Variants in ATG7 observed in about 807,000 individuals in gnomAD.
The protein encoded by ATG7 is ubiquitin-like modifier-activating enzyme ATG7.
Under a neutral mutation model 82.4 loss-of-function variants are expected in ATG7, and 70 were observed. The ratio of observed to expected loss-of-function variants is 0.85; its 90% CI spans 0.70 to 1.04. The LOEUF is 1.04. ATG7 is among the 50% of genes least tolerant of loss of function. ATG7 has a pLI of 0.00. For synonymous variants in ATG7, 287 were observed against 313.0 expected (o/e 0.92, Z 0.88); for missense variants, 792 against 864.3 (o/e 0.92, Z 1.05).
intron 13 of ATG7, among the ~76,000 whole-genome samples, chr3:11,344,946 G>T (rs191390171): frequency 7.8e-4 from 119 of 152,200 alleles, no homozygotes; most frequent in Middle Eastern, 3.4e-3. Flanking sequence ...GTTATTCCTT[G>T]TTCTATCTTT....
At chr3:11,551,704 A>G (rs2071802156) in intron 20 of ATG7, among the ~76,000 whole-genome samples, 1 of 151,946 alleles carries the variant, frequency 6.6e-6, no homozygotes, top group Admixed American at 6.5e-5. Flanking sequence ...TGCTGGGATT[A>G]CAGGCACGAG....
chr3:11,481,906 C>T (rs1485697850), intron 20 of ATG7, among the ~76,000 whole-genome samples: 1 of 152,158 alleles, frequency 6.6e-6, no homozygotes, highest in African/African-American at 2.4e-5. Context: ...CAGGCCCAAA[C>T]ACGGGAATGT....
chr3:11,387,831 G>A (rs759739342), intron 19 of ATG7, among the ~76,000 whole-genome samples: 5 of 152,174 alleles, frequency 3.3e-5, no homozygotes, highest in African/African-American at 4.8e-5. Flanking sequence ...TTAGCCAGGC[G>A]TGGTGGCAGG....
intron 19 of ATG7, among the ~76,000 whole-genome samples, chr3:11,385,005 TTAAA>T (rs751657669): frequency 5.9e-5 from 9 of 151,794 alleles, no homozygotes; most frequent in Non-Finnish European, 1.0e-4. Context: ...ACTTAGCTGC[TTAAA>T]TAGTGTTTTT....
intron 5 of ATG7, among the ~76,000 whole-genome samples, chr3:11,306,219 A>C (rs756309774): frequency 2.0e-5 from 3 of 152,236 alleles, no homozygotes; most frequent in African/African-American, 7.2e-5. Flanking sequence ...GACAACCGTC[A>C]GGGGCTTGCC....
chr3:11,562,403 G>A (rs1183325039), downstream of ATG7, among the ~76,000 whole-genome samples: 1 of 152,194 alleles, frequency 6.6e-6, no homozygotes, highest in Non-Finnish European at 1.5e-5. Context: ...CACAGAGGAA[G>A]GCTTCCACCG....
At chr3:11,485,229 T>C (rs928250302) in intron 20 of ATG7, among the ~76,000 whole-genome samples, 3 of 152,228 alleles carry the variant, frequency 2.0e-5, no homozygotes, top group Non-Finnish European at 4.4e-5. Flanking sequence ...TTTTAATGAT[T>C]GCCATTCTAA....
intron 20 of ATG7, among the ~76,000 whole-genome samples, chr3:11,492,021 C>G (rs143152453): frequency 0.011 from 1,727 of 152,298 alleles, 31 homozygotes; most frequent in African/African-American, 0.039. Context: ...CTTTGTTTAC[C>G]TAAGCAAGCC....
chr3:11,363,091 A>G (rs1286357589), intron 17 of ATG7, 163 bp downstream of exon 17: 2 of 608,490 alleles, frequency 3.3e-6, no homozygotes, highest in African/African-American at 3.7e-5. Context: ...CTTTGGGCTG[A>G]GATAACTTGG....
intron 20 of ATG7, among the ~76,000 whole-genome samples, chr3:11,480,855 G>A (rs2088878713): frequency 1.3e-5 from 2 of 152,160 alleles, no homozygotes; most frequent in Non-Finnish European, 1.5e-5. Flanking sequence ...CTGGCCGGCT[G>A]GGCCTCTCTT....
chr3:11,483,711 T>C (rs773354412), intron 20 of ATG7, among the ~76,000 whole-genome samples: 1 of 152,242 alleles, frequency 6.6e-6, no homozygotes, highest in African/African-American at 2.4e-5. Flanking sequence ...ATATTGACAC[T>C]GGAGCCAAAT....
chr3:11,358,514 C>T lies in ATG7; in HGVS notation c.1381C>T (p.Leu461=). ...LEQARRDVEQ[L]EQLIESHDVV... is the part of the protein sequence containing the mutation. ...GCAAGCCCGCAGAGATGTGGAGCAA[C>T]TGGAGCAGCTCATCGAAAGCCATGA... Residue 461 remains leucine, a synonymous_variant, in exon 15 of 21, where the codon CTG becomes TTG. Transcript: ENST00000693202. The T allele has an allele frequency of 6.2e-7, 1 of 1,614,148 alleles. No individual in the cohort carries two copies. Among genetic ancestry groups the T allele is most frequent in the Non-Finnish European group, 8.5e-7 (1 of 1,179,998 alleles).
At chr3:11,516,451 T>A (rs2092285763) in intron 20 of ATG7, among the ~76,000 whole-genome samples, 1 of 152,096 alleles carries the variant, frequency 6.6e-6, no homozygotes, top group Admixed American at 6.5e-5. Flanking sequence ...CAACACCGAA[T>A]GGTAGTGAGA....
intron 20 of ATG7, among the ~76,000 whole-genome samples, chr3:11,435,964 G>A (rs1478751738): frequency 3.9e-5 from 6 of 152,294 alleles, no homozygotes; most frequent in African/African-American, 1.4e-4. Flanking sequence ...GCTGGGTGTG[G>A]TGGCATGTGC....
chr3:11,353,138 C>A (rs1035225577), intron 14 of ATG7, among the ~76,000 whole-genome samples: 1 of 152,130 alleles, frequency 6.6e-6, no homozygotes, highest in Non-Finnish European at 1.5e-5. Flanking sequence ...GGGTGATAGC[C>A]CCTTTAAAAA....
chr3:11,332,961 C>A lies in ATG7; in HGVS notation c.768-11C>A. 1 of 1,459,908 alleles carries A rather than the reference C, an allele frequency of 6.8e-7. No homozygotes were observed. Among genetic ancestry groups the A allele is most frequent in the East Asian group, 2.7e-5 (1 of 37,486 alleles). The allele number at this position is 1,459,908 out of a possible 1,614,324, so 90.4% of individuals were successfully genotyped here. A position where few individuals can be genotyped will look rare whatever the true frequency, so the allele number is the denominator to read the frequency against. On this transcript the variant is annotated splice_polypyrimidine_tract_variant and intron_variant, in intron 10 of 20. Transcript: ENST00000693202. Reference sequence around the variant, plus strand: ...AATAATAAATAAATAAAAATCCGGGCATGACAACAGGAGTAGCAGTTTCCA... The same window carrying A: ...AATAATAAATAAATAAAAATCCGGGAATGACAACAGGAGTAGCAGTTTCCA...
intron 17 of ATG7, among the ~76,000 whole-genome samples, chr3:11,363,877 T>C (rs1453881617): frequency 6.6e-6 from 1 of 152,234 alleles, no homozygotes; most frequent in East Asian, 1.9e-4. Flanking sequence ...TGGTTGTATA[T>C]GTAACTAGTA....
intron 20 of ATG7, among the ~76,000 whole-genome samples, chr3:11,530,280 G>GGA (rs1482616842): frequency 1.3e-5 from 2 of 152,214 alleles, no homozygotes; most frequent in African/African-American, 2.4e-5. Context: ...TGCTCTCAGA[G>GGA]GAAAGCAGTG....
chr3:11,510,959 G>A (rs1194962807), intron 20 of ATG7, among the ~76,000 whole-genome samples: 1 of 152,012 alleles, frequency 6.6e-6, no homozygotes, highest in Non-Finnish European at 1.5e-5. Context: ...CAGCTCTTAA[G>A]GTGGCGCGTC....
Sources: allele counts gnomAD v4.1 joint callset (sites outside exome capture counted in the v4.1 genomes callset), GRCh38; gene constraint gnomAD v4.1.1; transcripts MANE v1.5; gene names NCBI Gene and HGNC (gene_info 2026-07-23, HGNC 2026-07-21).